GPATCH8: variants seen among roughly 807,000 people sequenced by gnomAD.
GPATCH8 encodes G-patch domain containing 8.
GPATCH8 carries 18 observed loss-of-function variants against 118.3 expected under a neutral mutation model. The ratio of observed to expected loss-of-function variants is 0.15; its 90% CI spans 0.11 to 0.23. The LOEUF is 0.23. GPATCH8 is among the 10% of genes least tolerant of loss of function. The probability of loss-of-function intolerance (pLI) is 1.00; values close to 1 mark genes in which losing one functional copy is unlikely to be tolerated. For synonymous variants in GPATCH8, 659 were observed against 684.7 expected (o/e 0.96, Z 0.59); for missense variants, 1,631 against 1,873.8 (o/e 0.87, Z 2.39).
At chr17:44,438,239 T>C (rs1214897725) in intron 3 of GPATCH8, among the ~76,000 whole-genome samples, 2 of 152,210 alleles carry the variant, frequency 1.3e-5, no homozygotes, top group Non-Finnish European at 2.9e-5. Context: ...TTTTGGTATC[T>C]TTTTTGATCT....
intron 7 of GPATCH8, among the ~76,000 whole-genome samples, chr17:44,402,668 A>T (rs183491564): frequency 1.3e-5 from 2 of 152,306 alleles, no homozygotes; most frequent in African/African-American, 4.8e-5. Flanking sequence ...TTCATTTTTT[A>T]AAAATTTGCA....
At position 44,502,365 on chromosome 17, in the gene GPATCH8, T is replaced by G. The variant is rs1376505881; in HGVS notation, c.45+961A>C. 4.6e-5 allele frequency among the ~76,000 whole-genome samples: 7 copies of G among 152,070 alleles called. No homozygotes were observed. In the South Asian group the frequency reaches 6.2e-4, roughly 14 times the overall value. On this transcript the variant is annotated intron_variant, in intron 1 of 7. Coordinates refer to ENST00000591680, the MANE Select transcript of GPATCH8 (RefSeq NM_001002909.4). Reference sequence around the variant, plus strand: ...TATGCGGTAGTAATGCAGTGTTTTTTTTTTTTTTTTGAGACTCTACGGATG... The same window carrying G: ...TATGCGGTAGTAATGCAGTGTTTTTGTTTTTTTTTTGAGACTCTACGGATG...
At chr17:44,472,742 C>A (rs1471602016) in intron 2 of GPATCH8, among the ~76,000 whole-genome samples, 1 of 152,164 alleles carries the variant, frequency 6.6e-6, no homozygotes, top group East Asian at 1.9e-4. Flanking sequence ...GTCACCCAGG[C>A]TAGAGTGCAG....
At chr17:44,409,605 C>T (rs12603993) in intron 6 of GPATCH8, among the ~76,000 whole-genome samples, 68,444 of 152,018 alleles carry the variant, frequency 0.45, 16,936 homozygotes, top group Non-Finnish European at 0.56. Flanking sequence ...TGTAAAGCAT[C>T]GGAGTCAGAA....
chr17:44,448,489 CAAA>C (rs1165847501), intron 3 of GPATCH8, among the ~76,000 whole-genome samples: 1 of 37,664 alleles, frequency 2.7e-5, no homozygotes. Flanking sequence ...TCACGTGAGC[CAAA>C]AAAAAAAAAA....
intron 3 of GPATCH8, among the ~76,000 whole-genome samples, chr17:44,437,085 T>C (rs542290732): frequency 1.3e-5 from 2 of 152,320 alleles, no homozygotes; most frequent in South Asian, 4.1e-4. Context: ...ATGTTCCTCA[T>C]AGACTAGGAG....
In GPATCH8 at chr17:44,401,427, T is replaced by C. The variant is rs1460612441; in HGVS notation, c.650A>G (p.Lys217Arg). 1 of 1,612,554 alleles carries C rather than the reference T, an allele frequency of 6.2e-7. No homozygotes were observed. Among genetic ancestry groups the C allele is most frequent in the African/African-American group, 1.3e-5 (1 of 74,908 alleles). The change falls in exon 8 of 8, where the codon AAA becomes AGA. Residue 217 changes from lysine (K) to arginine (R), a missense_variant. Around this residue, in one of 8 missense-constraint regions of GPATCH8, gnomAD observed 405 missense variants for 462.7 expected, o/e 0.88. Coordinates refer to ENST00000591680, the MANE Select transcript of GPATCH8 (RefSeq NM_001002909.4). The part of the protein sequence containing the change: ...ECAPGSGPMF[K>R]PTTVAVDEEG... ...TTCATCTACAGCCACTGTGGTTGGT[T>C]TGAACATGGGACCACTTCCAGGTGC...
intron 1 of GPATCH8, among the ~76,000 whole-genome samples, chr17:44,478,510 G>C (rs1455223254): frequency 6.6e-6 from 1 of 151,932 alleles, no homozygotes; most frequent in Non-Finnish European, 1.5e-5. Flanking sequence ...CTAGATGGGC[G>C]TGGTGGTGTG....
chr17:44,419,080 T>C (rs573350649), intron 6 of GPATCH8, among the ~76,000 whole-genome samples: 1 of 152,320 alleles, frequency 6.6e-6, no homozygotes, highest in Middle Eastern at 3.4e-3. Context: ...AACTCAAACC[T>C]TGAATGAGGG....
intron 3 of GPATCH8, among the ~76,000 whole-genome samples, chr17:44,458,804 G>A (rs1213255589): frequency 6.6e-6 from 1 of 152,178 alleles, no homozygotes. Context: ...GATTACAGGT[G>A]CTTAAGTCAC....
intron 6 of GPATCH8, among the ~76,000 whole-genome samples, chr17:44,422,085 TTTC>T (rs2049926149): frequency 1.3e-5 from 2 of 152,212 alleles, no homozygotes; most frequent in Admixed American, 6.5e-5. Context: ...ATCACAGATA[TTTC>T]TTAATTGAAA....
rs557819101 is a variant in GPATCH8, at chr17:44,497,846, G to A, written c.45+5480C>T. Among the ~76,000 whole-genome samples the A allele has an allele frequency of 4.7e-4, 72 of 152,002 alleles. 1 individual carries two copies. The highest frequency in any genetic ancestry group is 1.6e-3 in the African/African-American group (65 of 41,464). On this transcript the variant is annotated intron_variant, in intron 1 of 7. Coordinates refer to ENST00000591680, the MANE Select transcript of GPATCH8 (RefSeq NM_001002909.4). ...TCCCAGCTACTTGGGAGGCTGAAGC[G>A]GGAGGATTGCTTGAGCCCAGGAGGT...
In GPATCH8 at chr17:44,462,786, T is replaced by C. The variant is rs559576400; in HGVS notation, c.193+1686A>G. ...TCACGAGATCAGGAGATCGAGACCA[T>C]CCTGGCTAACACGGTGAAACCCCGT... On this transcript the variant is annotated intron_variant, in intron 3 of 7. Coordinates refer to ENST00000591680, the MANE Select transcript of GPATCH8 (RefSeq NM_001002909.4). Among the ~76,000 whole-genome samples the C allele has an allele frequency of 4.6e-5, 7 of 151,856 alleles. No individual in the cohort carries two copies. The East Asian group carries it at 1.4e-3, about 29-fold the overall frequency.
intron 6 of GPATCH8, among the ~76,000 whole-genome samples, chr17:44,418,693 C>T (rs557117160): frequency 4.6e-5 from 7 of 152,188 alleles, no homozygotes; most frequent in African/African-American, 1.4e-4. Context: ...CCTTGTGATC[C>T]GCCAGCCTCG....
intron 5 of GPATCH8, among the ~76,000 whole-genome samples, chr17:44,428,977 T>A (rs936168994): frequency 4.7e-5 from 7 of 148,976 alleles, no homozygotes; most frequent in Non-Finnish European, 8.9e-5. Flanking sequence ...CTGTCTCTAC[T>A]AAAAATACAA....
chr17:44,396,383 C>A lies in GPATCH8; in HGVS notation c.*1185G>T. 1 of 454,428 alleles carries A rather than the reference C, an allele frequency of 2.2e-6. No individual in the cohort carries two copies. Among genetic ancestry groups the A allele is most frequent in the South Asian group, 1.6e-5 (1 of 64,480 alleles). 28.1% of individuals were successfully genotyped at this position (454,428 alleles called of 1,614,324 possible). Reference sequence around the variant, plus strand: ...TTAAAGATGAGCATCCCTCAGAAGCCCCCAGCTGACTGCTGCCCATTAGCT... The same window carrying A: ...TTAAAGATGAGCATCCCTCAGAAGCACCCAGCTGACTGCTGCCCATTAGCT... On this transcript the variant is annotated 3_prime_UTR_variant, in exon 8 of 8. Transcript: ENST00000591680.
intron 3 of GPATCH8, among the ~76,000 whole-genome samples, chr17:44,456,382 T>C (rs1190951812): frequency 6.6e-6 from 1 of 152,162 alleles, no homozygotes; most frequent in Non-Finnish European, 1.5e-5. Context: ...TCCCAAAGTG[T>C]TGGGATTATA....
Position 44,395,395 on chromosome 17 carries a change from A to G in GPATCH8, c.*2173T>C. 2.2e-6 allele frequency: 1 copy of G among 453,120 alleles called. No individual in the cohort carries two copies. The highest frequency in any genetic ancestry group is 4.4e-6 in the Non-Finnish European group (1 of 226,414). The allele number at this position is 453,120 out of a possible 1,614,324, so 28.1% of individuals were successfully genotyped here. The stretch of plus-strand genomic sequence containing the variant: ...TCTGTTATGCTTGTAAGTAAGGTTT[A>G]TTTTTATTTTTACTTTTAAAATCAC... On this transcript the variant is annotated 3_prime_UTR_variant, in exon 8 of 8. Coordinates refer to ENST00000591680, the MANE Select transcript of GPATCH8 (RefSeq NM_001002909.4).
intron 1 of GPATCH8, among the ~76,000 whole-genome samples, chr17:44,483,364 C>CCT (rs1279266443): frequency 2.1e-5 from 3 of 145,624 alleles, no homozygotes; most frequent in Non-Finnish European, 4.5e-5. Context: ...CATTCTCCTG[C>CCT]CTCAGCCTCC....
Sources: gnomAD v4.1 joint callset for allele counts (sites outside exome capture counted in the v4.1 genomes callset) on GRCh38, gnomAD v4.1.1 for gene constraint, gnomAD v4.1.1 regional missense constraint, MANE v1.5 for transcripts, NCBI Gene and HGNC (gene_info 2026-07-23, HGNC 2026-07-21) for gene names.